The following KAZN variants were observed in gnomAD, a reference collection of about 807,000 sequenced individuals.
KAZN encodes kazrin.
A neutral mutation model predicts 87.4 loss-of-function variants in KAZN; 40 were observed. The ratio of observed to expected loss-of-function variants is 0.46; its 90% confidence interval spans 0.36 to 0.60. The LOEUF (loss-of-function observed/expected upper bound fraction) is 0.60. Among genes scored for constraint, KAZN ranks in the 20% least tolerant of loss-of-function variants. The pLI is 0.00. For synonymous variants in KAZN, 466 were observed against 458.3 expected (o/e 1.02, Z -0.22); for missense variants, 898 against 1,073.9 (o/e 0.84, Z 2.29).
chr1:14,782,561 AAAAAAAAAAAAAAAAAAG>A (rs1645387838), intron 1 of KAZN, among the ~76,000 whole-genome samples: 1 of 142,972 alleles, frequency 7.0e-6, no homozygotes, highest in Non-Finnish European at 1.5e-5. Flanking sequence ...GAGCAAAAAA[AAAAAAAAAAAAAAAAAAG>A]AAAAGAAAAA....
At chr1:14,834,363 T>TC (rs1647152672) in intron 1 of KAZN, among the ~76,000 whole-genome samples, 1 of 139,502 alleles carries the variant, frequency 7.2e-6, no homozygotes, top group South Asian at 2.4e-4. Flanking sequence ...TTCCTTTTTT[T>TC]TTTTTTTTTT....
chr1:14,587,412 G>C (rs1675920088), intron 2 of KAZN, among the ~76,000 whole-genome samples: 1 of 150,956 alleles, frequency 6.6e-6, no homozygotes, highest in African/African-American at 2.4e-5. Context: ...CTCCAGCCTG[G>C]GTGACAGAGC....
chr1:14,966,969 C>T (rs932609532), intron 2 of KAZN, among the ~76,000 whole-genome samples: 1 of 152,156 alleles, frequency 6.6e-6, no homozygotes, highest in African/African-American at 2.4e-5. Flanking sequence ...GCACCCGGCC[C>T]CCGCATATGT....
intron 1 of KAZN, among the ~76,000 whole-genome samples, chr1:14,085,338 G>T (rs560906247): frequency 6.6e-6 from 1 of 152,090 alleles, no homozygotes; most frequent in Non-Finnish European, 1.5e-5. Context: ...TTGGACAAAC[G>T]TATGTAGTCT....
intron 1 of KAZN, among the ~76,000 whole-genome samples, chr1:14,859,941 A>G (rs943302447): frequency 6.6e-6 from 1 of 152,184 alleles, no homozygotes; most frequent in Non-Finnish European, 1.5e-5. Flanking sequence ...TTCCTGGCAC[A>G]GAATTTCTCC....
At chr1:14,727,446 C>CTTTTTTTTTTTTTTTTTTTT (rs1643438084) in intron 1 of KAZN, among the ~76,000 whole-genome samples, 1 of 43,408 alleles carries the variant, frequency 2.3e-5, no homozygotes, top group East Asian at 8.3e-4. Flanking sequence ...TTATTGTGCA[C>CTTTTTTTTTTTTTTTTTTTT]TTTCTTTTTT....
intron 1 of KAZN, among the ~76,000 whole-genome samples, chr1:14,757,592 A>C (rs906323096): frequency 1.3e-5 from 2 of 152,230 alleles, no homozygotes; most frequent in Non-Finnish European, 2.9e-5. Flanking sequence ...AGTGAAGTAC[A>C]TTAGACACTG....
chr1:14,722,157 A>C (rs1056296028), intron 1 of KAZN, among the ~76,000 whole-genome samples: 1 of 121,160 alleles, frequency 8.3e-6, no homozygotes, highest in Non-Finnish European at 1.9e-5. Context: ...TCTCAAAAAA[A>C]AAAAAGAATA....
At chr1:14,209,983 G>T (rs1280519521) in intron 2 of KAZN, among the ~76,000 whole-genome samples, 1 of 152,160 alleles carries the variant, frequency 6.6e-6, no homozygotes, top group Non-Finnish European at 1.5e-5. Flanking sequence ...TCCTGTCCCT[G>T]CCCAGATTCA....
chr1:13,993,608 A>C (rs958990553), intron 1 of KAZN, among the ~76,000 whole-genome samples: 1 of 152,230 alleles, frequency 6.6e-6, no homozygotes, highest in Non-Finnish European at 1.5e-5. Context: ...AGGTCTTGAG[A>C]TATAGTGGCA....
In KAZN at chr1:15,056,213, C is replaced by G. The variant is rs148914185; in HGVS notation, c.849C>G (p.Thr283=). ...EWVVQADLPL[T]AAIRQSQQTL... Reference sequence around the variant, plus strand: ...TGGTGCAGGCGGACCTCCCGCTGACCGCAGCCATCCGGCAGAGTCAACAGA... The same window carrying G: ...TGGTGCAGGCGGACCTCCCGCTGACGGCAGCCATCCGGCAGAGTCAACAGA... The change falls in exon 5 of 15, where the codon ACC becomes ACG. Residue 283 remains threonine (T), a synonymous_variant. Coordinates refer to ENST00000376030, the MANE Select transcript of KAZN (RefSeq NM_201628.3). The surrounding 1 kb of genome is among the most constrained non-coding windows in gnomAD (Gnocchi z 5.4). 9 of 1,614,072 alleles carry G rather than the reference C, an allele frequency of 5.6e-6. No individual in the cohort carries two copies. Among genetic ancestry groups the G allele is most frequent in the Non-Finnish European group, 7.6e-6 (9 of 1,180,000 alleles).
chr1:14,888,947 C>A (rs1031498800), intron 1 of KAZN, among the ~76,000 whole-genome samples: 1 of 152,202 alleles, frequency 6.6e-6, no homozygotes, highest in Non-Finnish European at 1.5e-5. Context: ...CCCTAGGCCA[C>A]ATTGGAAGAA....
chr1:14,533,193 GC>G (rs1489788409), intron 2 of KAZN, among the ~76,000 whole-genome samples: 2 of 152,078 alleles, frequency 1.3e-5, no homozygotes, highest in Non-Finnish European at 2.9e-5. Context: ...TACAAAAATT[GC>G]CCAGAGCATT....
At chr1:14,943,100 G>T (rs185308833) in intron 1 of KAZN, among the ~76,000 whole-genome samples, 7 of 139,360 alleles carry the variant, frequency 5.0e-5, no homozygotes, top group African/African-American at 1.3e-4. Flanking sequence ...TACATTTTTC[G>T]AATAGTTTTC....
At chr1:14,100,492 G>A (rs759720904) in intron 1 of KAZN, among the ~76,000 whole-genome samples, 4 of 152,138 alleles carry the variant, frequency 2.6e-5, no homozygotes, top group Non-Finnish European at 5.9e-5. Flanking sequence ...AAGTCTGGGG[G>A]AAACCAGGCT....
intron 1 of KAZN, among the ~76,000 whole-genome samples, chr1:13,971,595 G>GT (rs34600098): frequency 4.4e-4 from 63 of 144,808 alleles, no homozygotes; most frequent in East Asian, 2.6e-3. Flanking sequence ...ATCTTGTGAG[G>GT]TTTTTTTTTT....
chr1:14,633,424 C>T (rs565051549), intron 1 of KAZN, among the ~76,000 whole-genome samples: 11 of 152,196 alleles, frequency 7.2e-5, no homozygotes, highest in Non-Finnish European at 1.6e-4. Flanking sequence ...GATGCCATTG[C>T]TAGAAGGGGC....
At chr1:14,075,879 T>C (rs550816731) in intron 1 of KAZN, among the ~76,000 whole-genome samples, 1 of 152,188 alleles carries the variant, frequency 6.6e-6, no homozygotes, top group South Asian at 2.1e-4. Flanking sequence ...CCCAAACTCA[T>C]ATGGGAAAGT....
At chr1:14,868,056 G>A (rs930128803) in intron 1 of KAZN, among the ~76,000 whole-genome samples, 2 of 78,598 alleles carry the variant, frequency 2.5e-5, no homozygotes, top group African/African-American at 3.7e-5. Flanking sequence ...CATCACATAC[G>A]CACAGCATTG....
Sources: gnomAD v4.1 joint callset for allele counts (sites outside exome capture counted in the v4.1 genomes callset) on GRCh38, gnomAD v4.1.1 for gene constraint, Gnocchi (gnomAD v3.1) non-coding constraint, MANE v1.5 for transcripts, NCBI Gene and HGNC (gene_info 2026-07-23, HGNC 2026-07-21) for gene names.